The following DLL4 variants were observed in gnomAD, a reference collection of about 807,000 sequenced individuals.
DLL4 encodes the protein delta like canonical Notch ligand 4, also known as delta-like protein 4.
A neutral mutation model predicts 73.6 loss-of-function variants in DLL4; 7 were observed. The observed-to-expected ratio is 0.10, with a 90% confidence interval of 0.05 to 0.18. DLL4 has a LOEUF of 0.18. Among genes scored for constraint, DLL4 ranks in the 10% least tolerant of loss-of-function variants. The probability of loss-of-function intolerance (pLI) is 1.00; values close to 1 mark genes in which losing one functional copy is unlikely to be tolerated. For missense variants in DLL4, 614 were observed against 929.9 expected, an observed-to-expected ratio of 0.66 and a Z score of 4.42; for synonymous variants, 345 against 374.3, an observed-to-expected ratio of 0.92 and a Z score of 0.90.
intron 9 of DLL4, 87 bp from the exon 10 acceptor site, chr15:40,937,331 G>A: frequency 1.1e-6 from 1 of 923,534 alleles, no homozygotes; most frequent in Non-Finnish European, 1.8e-6. Context: ...GAACCACCCT[G>A]CAGATGCCCT....
rs1349621692 is a variant in DLL4 at position 40,929,924 on chromosome 15, G to A, written c.144G>A (p.Arg48=). 1 of 1,612,986 alleles carries A rather than the reference G, an allele frequency of 6.2e-7. No homozygotes were observed. The highest frequency in any genetic ancestry group is 2.2e-5 in the East Asian group (1 of 44,860). The change falls in exon 2 of 11, where the codon CGG becomes CGA. Residue 48 remains arginine (R), a synonymous_variant. Coordinates refer to ENST00000249749, the MANE Select transcript of DLL4 (RefSeq NM_019074.4). The surrounding 1 kb of genome is among the most constrained non-coding windows in gnomAD (Gnocchi z 7.1). ...AGCGCGGCGTACTGGCCAGTGGGCG[G>A]CCTTGCGAGCCCGGCTGCCGGACTT... is the stretch of plus-strand genomic sequence containing the variant. The part of the protein sequence containing the change: ...INERGVLASG[R]PCEPGCRTFF...
At chr15:40,931,349 G>T in intron 3 of DLL4, 154 bp from the exon 4 acceptor site, 1 of 904,518 alleles carries the variant, frequency 1.1e-6, no homozygotes, top group East Asian at 2.6e-5. Flanking sequence ...GGTCCCTCTG[G>T]CCTGTTCTTG....
Position 40,930,510 on chromosome 15 carries a change from G to A in DLL4, c.337-115G>A. ...TGCACAGCCCCGTTATGTTGACCCG[G>A]GCGCAGTAACTGAATCCTGCAATTA... is the stretch of plus-strand genomic sequence containing the variant. On this transcript the variant is annotated intron_variant, in intron 2 of 10. Coordinates refer to ENST00000249749, the MANE Select transcript of DLL4 (RefSeq NM_019074.4). The surrounding 1 kb of genome is among the most constrained non-coding windows in gnomAD (Gnocchi z 5.7). 1.2e-6 allele frequency: 1 copy of A among 868,434 alleles called. No homozygotes were observed. Among genetic ancestry groups the A allele is most frequent in the Non-Finnish European group, 1.9e-6 (1 of 531,276 alleles). 53.8% of individuals were successfully genotyped at this position (868,434 alleles called of 1,614,324 possible).
rs1892731667 is a variant in DLL4, at chr15:40,929,543, G to A, written c.-126G>A. ...GCGGAGCCAGCGAGAAGGCCAAAGGGGAGCAGCGTCCCGAGAGGAGCGCCT... is the reference window on the plus strand; with the variant it reads ...GCGGAGCCAGCGAGAAGGCCAAAGGAGAGCAGCGTCCCGAGAGGAGCGCCT... On this transcript the variant is annotated 5_prime_UTR_variant, in exon 1 of 11. Transcript: ENST00000249749. This position sits in a 1 kb window ranked among gnomAD's most constrained non-coding sequence, Gnocchi z 7.1. 1.1e-6 allele frequency: 1 copy of A among 892,716 alleles called. No individual in the cohort carries two copies. The allele number at this position is 892,716 out of a possible 1,614,324, so 55.3% of individuals were successfully genotyped here.
intron 9 of DLL4, 34 bp downstream of exon 9, chr15:40,936,964 C>G: frequency 6.6e-7 from 1 of 1,512,470 alleles, no homozygotes; most frequent in South Asian, 1.3e-5. Flanking sequence ...GGCCTGGCCA[C>G]CGGCCCCGAC....
Position 40,929,697 on chromosome 15 carries a change from G to T in DLL4, c.29G>T (p.Gly10Val). MAAASRSAS[G>V]WALLLLVALW... ...GCGGCAGCGTCCCGGAGCGCCTCTG[G>T]CTGGGCGCTACTGCTGCTGGTGGCA... The change falls in exon 1 of 11, where the codon GGC (glycine) becomes GTC (valine). Residue 10 changes from glycine to valine, a missense_variant. By Grantham distance (109) the Gly-to-Val change is moderately radical. Coordinates refer to ENST00000249749, the MANE Select transcript of DLL4 (RefSeq NM_019074.4). The surrounding 1 kb of genome is among the most constrained non-coding windows in gnomAD (Gnocchi z 7.1). 6.3e-7 allele frequency: 1 copy of T among 1,584,070 alleles called. No homozygotes were observed. Among genetic ancestry groups the T allele is most frequent in the African/African-American group, 1.4e-5 (1 of 73,792 alleles).
Position 40,936,915 on chromosome 15 carries a change from C to T in DLL4, c.1928C>T (p.Pro643Leu). The stretch of plus-strand genomic sequence containing the variant: ...GACAAGAGCTTAGGAGAGAAGGCGC[C>T]ACTGCGGTTACACAGGTGAGTGGCA... ...HSDKSLGEKA[P>L]LRLHSEKPEC... is the part of the protein sequence containing the mutation. The change falls in exon 9 of 11, where the codon CCA (proline) becomes CTA (leucine). Residue 643 changes from proline to leucine, a missense_variant. By Grantham distance (98) the Pro-to-Leu change is moderately conservative (BLOSUM62 -3). Transcript: ENST00000249749. 6.2e-7 allele frequency: 1 copy of T among 1,603,514 alleles called. No individual in the cohort carries two copies. Among genetic ancestry groups the T allele is most frequent in the Non-Finnish European group, 8.5e-7 (1 of 1,175,264 alleles).
chr15:40,929,945 G>T lies in DLL4; in HGVS notation c.165G>T (p.Arg55=). The T allele has an allele frequency of 6.2e-7, 1 of 1,613,198 alleles. No homozygotes were observed. The highest frequency in any genetic ancestry group is 8.5e-7 in the Non-Finnish European group (1 of 1,179,840). Residue 55 remains arginine (R), a synonymous_variant, in exon 2 of 11, where the codon CGG becomes CGT. Coordinates refer to ENST00000249749, the MANE Select transcript of DLL4 (RefSeq NM_019074.4). This position sits in a 1 kb window ranked among gnomAD's most constrained non-coding sequence, Gnocchi z 7.1. Reference sequence around the variant, plus strand: ...GGCGGCCTTGCGAGCCCGGCTGCCGGACTTTCTTCCGCGTCTGCCTTAAGC... The same window carrying T: ...GGCGGCCTTGCGAGCCCGGCTGCCGTACTTTCTTCCGCGTCTGCCTTAAGC... ...ASGRPCEPGC[R]TFFRVCLKHF...
intron 3 of DLL4, chr15:40,931,011 G>C: frequency 2.1e-6 from 1 of 476,838 alleles, no homozygotes; most frequent in South Asian, 2.8e-5. Flanking sequence ...AATGGCTTTG[G>C]GATGTTGTTC....
intron 6 of DLL4, 114 bp downstream of exon 6, chr15:40,932,561 C>G: frequency 7.5e-7 from 1 of 1,341,794 alleles, no homozygotes; most frequent in Non-Finnish European, 1.0e-6. Flanking sequence ...CTTGGCTTTC[C>G]CATGATCTTC....
In DLL4 at chr15:40,930,910, C is replaced by T. The variant is rs1355522361; in HGVS notation, c.394+228C>T. 5.1e-6 allele frequency: 3 copies of T among 592,182 alleles called. No homozygotes were observed. In the African/African-American group the frequency reaches 5.6e-5, roughly 11 times the overall value. The allele number at this position is 592,182 out of a possible 1,614,324, so 36.7% of individuals were successfully genotyped here. A position where few individuals can be genotyped will look rare whatever the true frequency, so the allele number is the denominator to read the frequency against. On this transcript the variant is annotated intron_variant, in intron 3 of 10. Transcript: ENST00000249749. The surrounding 1 kb of genome is among the most constrained non-coding windows in gnomAD (Gnocchi z 5.7). ...TGGCGTGGGAACGCGGGGAGTACGG[C>T]GGTGAGAAAGGCTGAAGCTGCCAGC...
chr15:40,934,890 C>T lies in DLL4; in HGVS notation c.1021-8C>T, dbSNP rs777622532. On this transcript the variant is annotated splice_region_variant and splice_polypyrimidine_tract_variant and intron_variant, in intron 7 of 10. Transcript: ENST00000249749. ...TCTGACTTTGGCCCCTTTATGGTCT[C>T]TCTCCAGGACCAGGAGGATGGCTAC... 5.0e-6 allele frequency: 8 copies of T among 1,612,754 alleles called. No individual in the cohort carries two copies. The highest frequency in any genetic ancestry group is 2.2e-5 in the East Asian group (1 of 44,860).
rs1162636599 is a variant in DLL4 at position 40,936,783 on chromosome 15, G to A, written c.1796G>A (p.Gly599Asp). The A allele has an allele frequency of 6.2e-7, 1 of 1,613,826 alleles. No individual in the cohort carries two copies. The highest frequency in any genetic ancestry group is 8.5e-7 in the Non-Finnish European group (1 of 1,179,894). ...AAGAAGGAGCTGGAAGTGGACTGTG[G>A]CCTGGACAAGTCCAACTGTGGCAAA... ...NQKKELEVDC[G>D]LDKSNCGKQQ... Residue 599 changes from glycine (G) to aspartate (D), a missense_variant, in exon 9 of 11, where the codon GGC (glycine) becomes GAC (aspartate). By Grantham distance (94) the Gly-to-Asp change is moderately conservative. Coordinates refer to ENST00000249749, the MANE Select transcript of DLL4 (RefSeq NM_019074.4).
rs781721194 is a variant in DLL4, at chr15:40,929,901, C to G, written c.121C>G (p.Arg41Gly). The change falls in exon 2 of 11, where the codon CGC becomes GGC. Residue 41 changes from arginine to glycine, a missense_variant. By Grantham distance (125) the Arg-to-Gly change is moderately radical. Around this residue, in one of 3 missense-constraint regions of DLL4, gnomAD observed 227 missense variants for 370.8 expected, o/e 0.61. Transcript: ENST00000249749. This position sits in a 1 kb window ranked among gnomAD's most constrained non-coding sequence, Gnocchi z 7.1. ...GCAGCTGCAGGAGTTCATCAACGAG[C>G]GCGGCGTACTGGCCAGTGGGCGGCC... is the stretch of plus-strand genomic sequence containing the variant. ...QLQLQEFINE[R>G]GVLASGRPCE... 2 of 1,612,936 alleles carry G rather than the reference C, an allele frequency of 1.2e-6. No homozygotes were observed. Among genetic ancestry groups the G allele is most frequent in the Non-Finnish European group, 1.7e-6 (2 of 1,179,776 alleles).
rs753625901 is a variant in DLL4 at position 40,929,809 on chromosome 15, C to A, written c.67-38C>A. On this transcript the variant is annotated intron_variant, in intron 1 of 10. Transcript: ENST00000249749. This position sits in a 1 kb window ranked among gnomAD's most constrained non-coding sequence, Gnocchi z 7.1. ...AGCCCCGGGCACCAGCTGAGCTGAC[C>A]GGTCCCCTCCCTCCTTCCCTCGGTC... 6.2e-7 allele frequency: 1 copy of A among 1,608,486 alleles called. No individual in the cohort carries two copies. Among genetic ancestry groups the A allele is most frequent in the Non-Finnish European group, 8.5e-7 (1 of 1,179,394 alleles).
At position 40,930,026 on chromosome 15, in the gene DLL4, G is replaced by A. The variant is rs1025548919; in HGVS notation, c.246G>A (p.Pro82=). The A allele has an allele frequency of 3.1e-6, 5 of 1,612,610 alleles. No individual in the cohort carries two copies. Among genetic ancestry groups the A allele is most frequent in the Non-Finnish European group, 4.2e-6 (5 of 1,179,614 alleles). The change falls in exon 2 of 11, where the codon CCG becomes CCA. Residue 82 remains proline, a synonymous_variant. Coordinates refer to ENST00000249749, the MANE Select transcript of DLL4 (RefSeq NM_019074.4). The surrounding 1 kb of genome is among the most constrained non-coding windows in gnomAD (Gnocchi z 5.7). ...GPCTFGTVST[P]VLGTNSFAVR... ...GCACCTTCGGGACCGTCTCCACGCC[G>A]GTATTGGGCACCAACTCCTTCGCTG...
In DLL4 at chr15:40,934,500, G is replaced by A. The variant is rs765424440; in HGVS notation, c.851-48G>A. ...CATGGACTGCAAGGAGCCTGGAGGT[G>A]AGTGCATTCCCTGGCCCTGCTCAGC... On this transcript the variant is annotated intron_variant, in intron 6 of 10. Transcript: ENST00000249749. 9 of 1,594,032 alleles carry A rather than the reference G, an allele frequency of 5.6e-6. No homozygotes were observed. The Admixed American group carries it at 1.4e-4, about 24-fold the overall frequency.
intron 5 of DLL4, 35 bp from the exon 6 acceptor site, chr15:40,932,282 C>G: frequency 1.2e-6 from 2 of 1,614,006 alleles, no homozygotes; most frequent in Non-Finnish European, 1.7e-6. Flanking sequence ...TGGCCAAGGC[C>G]TCTCACCTCA....
At chr15:40,937,581 G>C in intron 10 of DLL4, 55 bp downstream of exon 10, 1 of 1,327,062 alleles carries the variant, frequency 7.5e-7, no homozygotes, top group Non-Finnish European at 1.1e-6. Flanking sequence ...AAGTGGCCTG[G>C]TCACTCTTGA....
Sources: allele counts gnomAD v4.1 joint callset, GRCh38; gene constraint gnomAD v4.1.1; regional missense constraint gnomAD v4.1.1; non-coding constraint Gnocchi (gnomAD v3.1); transcripts MANE v1.5; gene names NCBI Gene and HGNC (gene_info 2026-07-23, HGNC 2026-07-21).